The following LRP1B variants were observed in gnomAD, a reference collection of about 807,000 sequenced individuals.
LRP1B encodes LDL receptor related protein 1B.
A neutral mutation model predicts 556.6 loss-of-function variants in LRP1B; 217 were observed. The ratio of observed to expected loss-of-function variants is 0.39; its 90% CI spans 0.35 to 0.44. LRP1B has a LOEUF of 0.44. Ranked by LOEUF, LRP1B falls within the 20% of genes least tolerant of loss-of-function variation. The pLI, the probability that LRP1B is intolerant of heterozygous loss-of-function variation, is 1.00. For missense variants in LRP1B, 5,053 were observed against 5,620.8 expected, an observed-to-expected ratio of 0.90 and a Z score of 3.23; for synonymous variants, 2,047 against 1,865.8, an observed-to-expected ratio of 1.10 and a Z score of -2.50.
At chr2:140,565,842 C>A (rs1361496906) in intron 43 of LRP1B, among the ~76,000 whole-genome samples, 1 of 152,150 alleles carries the variant, frequency 6.6e-6, no homozygotes, top group Admixed American at 6.6e-5. Context: ...GGAGGAACTT[C>A]TCCCAGTGGG....
intron 2 of LRP1B, among the ~76,000 whole-genome samples, chr2:141,668,955 C>A (rs1178951368): frequency 6.6e-6 from 1 of 152,116 alleles, no homozygotes; most frequent in Non-Finnish European, 1.5e-5. Flanking sequence ...AACAGATGAG[C>A]AATACCCCTG....
At chr2:141,250,529 C>T (rs1426361424) in intron 4 of LRP1B, among the ~76,000 whole-genome samples, 1 of 152,158 alleles carries the variant, frequency 6.6e-6, no homozygotes, top group African/African-American at 2.4e-5. Flanking sequence ...GCATCACTTC[C>T]ATTTGGCTGT....
In LRP1B at chr2:140,417,895, C is replaced by T. The variant is rs890489250; in HGVS notation, c.10414+24609G>A. Among the ~76,000 whole-genome samples, 30 of 152,324 alleles carry T rather than the reference C, an allele frequency of 2.0e-4. 1 individual carries two copies. Among genetic ancestry groups the T allele is most frequent in the African/African-American group, 7.0e-4 (29 of 41,572 alleles). On this transcript the variant is annotated intron_variant, in intron 66 of 90. Coordinates refer to ENST00000389484, the MANE Select transcript of LRP1B (RefSeq NM_018557.3). Reference sequence around the variant, plus strand: ...CCTTAACTCACATGTGTTCACGCAGCTCTGTGAGGGGATAGAAACAGAGCA... The same window carrying T: ...CCTTAACTCACATGTGTTCACGCAGTTCTGTGAGGGGATAGAAACAGAGCA...
At chr2:141,480,256 G>A in intron 3 of LRP1B, 140 bp downstream of exon 3, 1 of 915,466 alleles carries the variant, frequency 1.1e-6, no homozygotes, top group Non-Finnish European at 1.7e-6. Flanking sequence ...ATATTAAAAT[G>A]TCTGGCAGTA....
chr2:141,792,617 T>C (rs564044473), intron 2 of LRP1B, among the ~76,000 whole-genome samples: 1 of 152,004 alleles, frequency 6.6e-6, no homozygotes, highest in Non-Finnish European at 1.5e-5. Context: ...TAATGCTTCA[T>C]AAAGACTATG....
intron 86 of LRP1B, among the ~76,000 whole-genome samples, chr2:140,252,052 TGAC>T (rs1681442821): frequency 8.3e-5 from 1 of 12,008 alleles, no homozygotes; most frequent in African/African-American, 2.8e-4. Context: ...GATAGTAGCA[TGAC>T]AAGATGCAAA....
intron 23 of LRP1B, 62 bp downstream of exon 23, chr2:140,902,858 G>C: frequency 6.5e-7 from 1 of 1,540,036 alleles, no homozygotes; most frequent in Non-Finnish European, 8.8e-7. Flanking sequence ...AAGCAGTTTT[G>C]GGATTTGTTT....
intron 41 of LRP1B, among the ~76,000 whole-genome samples, chr2:140,606,839 A>G (rs1323954269): frequency 1.3e-5 from 2 of 152,014 alleles, no homozygotes; most frequent in African/African-American, 4.8e-5. Flanking sequence ...TAGATGGTAG[A>G]TGATGAAACT....
At chr2:141,787,744 C>T (rs2105653856) in intron 2 of LRP1B, among the ~76,000 whole-genome samples, 1 of 151,566 alleles carries the variant, frequency 6.6e-6, no homozygotes, top group Admixed American at 6.6e-5. Context: ...ATAAAATTAA[C>T]TTCTTAAAAA....
chr2:142,127,154 T>A (rs542713535), intron 1 of LRP1B, among the ~76,000 whole-genome samples: 1 of 152,072 alleles, frequency 6.6e-6, no homozygotes, highest in Non-Finnish European at 1.5e-5. Context: ...AATATTTAAT[T>A]TTTCTGCAAT....
chr2:141,843,941 G>A (rs1267423128), intron 1 of LRP1B, among the ~76,000 whole-genome samples: 1 of 152,068 alleles, frequency 6.6e-6, no homozygotes, highest in African/African-American at 2.4e-5. Flanking sequence ...CGGCAGGAAT[G>A]ACAATTTAAA....
At chr2:140,954,831 G>A (rs1215145922) in intron 18 of LRP1B, among the ~76,000 whole-genome samples, 7 of 151,904 alleles carry the variant, frequency 4.6e-5, no homozygotes, top group Non-Finnish European at 1.0e-4. Context: ...CATGTCTCTT[G>A]TTGTTAACCT....
intron 10 of LRP1B, among the ~76,000 whole-genome samples, chr2:141,050,704 T>C (rs1301187012): frequency 2.0e-5 from 3 of 152,114 alleles, no homozygotes; most frequent in African/African-American, 7.2e-5. Flanking sequence ...GGGAATACCA[T>C]TCAGGACACA....
chr2:140,235,160 A>T (rs1396596851), intron 89 of LRP1B, among the ~76,000 whole-genome samples: 1 of 151,184 alleles, frequency 6.6e-6, no homozygotes. Context: ...TAGTCCAAGT[A>T]AGAATTGGCA....
At chr2:141,211,304 TAA>T (rs1203235856) in intron 6 of LRP1B, among the ~76,000 whole-genome samples, 2 of 147,758 alleles carry the variant, frequency 1.4e-5, no homozygotes, top group South Asian at 2.1e-4. Context: ...TCTTTTTTTT[TAA>T]AAAAAAAAAA....
chr2:141,068,338 G>A (rs1200161154), intron 7 of LRP1B, among the ~76,000 whole-genome samples: 3 of 151,874 alleles, frequency 2.0e-5, no homozygotes, highest in African/African-American at 7.2e-5. Context: ...AGGGGTGCTC[G>A]TATGGGACTT....
chr2:141,446,311 T>C (rs993063662), intron 3 of LRP1B, among the ~76,000 whole-genome samples: 19 of 152,182 alleles, frequency 1.2e-4, no homozygotes, highest in Non-Finnish European at 1.6e-4. Context: ...TGTCTTTATA[T>C]GTGAGATGGG....
At chr2:140,954,305 A>G (rs1183776058) in intron 18 of LRP1B, among the ~76,000 whole-genome samples, 1 of 152,180 alleles carries the variant, frequency 6.6e-6, no homozygotes, top group Non-Finnish European at 1.5e-5. Flanking sequence ...AGGCATTTAA[A>G]CAGAGAATCA....
intron 3 of LRP1B, among the ~76,000 whole-genome samples, chr2:141,406,377 G>A (rs1334446072): frequency 6.6e-6 from 1 of 151,988 alleles, no homozygotes; most frequent in East Asian, 1.9e-4. Context: ...ATCTGGTTGG[G>A]ATAACATAAA....
Sources: gnomAD v4.1 joint callset for allele counts (sites outside exome capture counted in the v4.1 genomes callset) on GRCh38, gnomAD v4.1.1 for gene constraint, MANE v1.5 for transcripts, NCBI Gene and HGNC (gene_info 2026-07-23, HGNC 2026-07-21) for gene names.